PRDM13: variants seen among roughly 807,000 people sequenced by gnomAD.
The protein encoded by PRDM13 is PR domain zinc finger protein 13.
Under a neutral mutation model 36.4 loss-of-function variants are expected in PRDM13, and 15 were observed. The ratio of observed to expected loss-of-function variants is 0.41; its 90% confidence interval spans 0.28 to 0.64. PRDM13 has a LOEUF of 0.64. PRDM13 is among the 30% of genes least tolerant of loss of function. The probability of loss-of-function intolerance (pLI) is 0.29; values close to 1 mark genes in which losing one functional copy is unlikely to be tolerated. For missense variants in PRDM13, 1,044 were observed against 1,013.5 expected (o/e 1.03, Z -0.41); for synonymous variants, 531 against 467.7 (o/e 1.14, Z -1.75).
At position 99,613,249 on chromosome 6, in the gene PRDM13, C is replaced by A; in HGVS notation, c.614C>A (p.Ala205Glu). ...PAPDFAAPSQ[A>E]GTLRPHPLGP... Reference sequence around the variant, plus strand: ...CCCGATTTCGCCGCGCCTTCCCAGGCAGGAACTTTGCGACCCCACCCCCTG... The same window carrying A: ...CCCGATTTCGCCGCGCCTTCCCAGGAAGGAACTTTGCGACCCCACCCCCTG... Residue 205 changes from alanine to glutamate, a missense_variant, in exon 4 of 4, where the codon GCA (alanine) becomes GAA (glutamate). Physicochemically the swap from Ala to Glu is moderately radical, Grantham distance 107. This residue lies in a region of PRDM13 where 921 missense variants were observed against 865.2 expected (regional missense o/e 1.06). Coordinates refer to ENST00000369215, the MANE Select transcript of PRDM13 (RefSeq NM_021620.4). The surrounding 1 kb of genome is among the most constrained non-coding windows in gnomAD (Gnocchi z 6.1). 2 of 1,609,726 alleles carry A rather than the reference C, an allele frequency of 1.2e-6. No homozygotes were observed. The highest frequency in any genetic ancestry group is 1.7e-6 in the Non-Finnish European group (2 of 1,178,940).
In PRDM13 at chr6:99,613,166, T is replaced by C; in HGVS notation, c.531T>C (p.Ala177=). 1 of 1,612,856 alleles carries C rather than the reference T, an allele frequency of 6.2e-7. No individual in the cohort carries two copies. The highest frequency in any genetic ancestry group is 8.5e-7 in the Non-Finnish European group (1 of 1,179,868). ...CCTTCCTGCACCACGAACACGCGGC[T>C]CGCCAAGGCGCCGTCCCAGCGGCTG... is the stretch of plus-strand genomic sequence containing the variant. The part of the protein sequence containing the change: ...GGAFLHHEHA[A]RQGAVPAADG... Residue 177 remains alanine (A), a synonymous_variant, in exon 4 of 4, where the codon GCT becomes GCC. Transcript: ENST00000369215. The surrounding 1 kb of genome is among the most constrained non-coding windows in gnomAD (Gnocchi z 6.1).
intron 3 of PRDM13, among the ~76,000 whole-genome samples, chr6:99,611,051 A>T (rs1269940799): frequency 6.6e-6 from 1 of 152,164 alleles, no homozygotes; most frequent in African/African-American, 2.4e-5. Flanking sequence ...TCACTTGTTA[A>T]ATGTATTTGA....
At chr6:99,609,683 C>T (rs1301423343) in intron 3 of PRDM13, among the ~76,000 whole-genome samples, 3 of 152,036 alleles carry the variant, frequency 2.0e-5, no homozygotes, top group African/African-American at 4.8e-5. Flanking sequence ...GCTAGGAGTT[C>T]GAGACCAGCC....
intron 3 of PRDM13, among the ~76,000 whole-genome samples, chr6:99,612,628 A>C (rs913829523): frequency 7.9e-5 from 12 of 152,202 alleles, no homozygotes; most frequent in African/African-American, 2.9e-4. Flanking sequence ...ACTCCTTGAC[A>C]TACGCCACCT....
chr6:99,607,020 G>C lies in PRDM13; in HGVS notation c.-15G>C. ...CCTGGAGCACCCGAGCGCCTGCCTG[G>C]TGGCGGCGGCAACAATGCACGGAGC... On this transcript the variant is annotated 5_prime_UTR_variant, in exon 1 of 4. Coordinates refer to ENST00000369215, the MANE Select transcript of PRDM13 (RefSeq NM_021620.4). 6.2e-7 allele frequency: 1 copy of C among 1,602,730 alleles called. No homozygotes were observed. Among genetic ancestry groups the C allele is most frequent in the Non-Finnish European group, 8.5e-7 (1 of 1,173,862 alleles).
chr6:99,608,945 G>A lies in PRDM13; in HGVS notation c.276+73G>A, dbSNP rs994416705. The A allele has an allele frequency of 2.1e-5, 32 of 1,537,168 alleles. No homozygotes were observed. The Admixed American group carries it at 6.6e-4, about 32-fold the overall frequency. On this transcript the variant is annotated intron_variant, in intron 2 of 3. Transcript: ENST00000369215. The stretch of plus-strand genomic sequence containing the variant: ...AGTCTACCTAACCGTCCCTGCGGTG[G>A]CCAAAAATATTAAGAGCAAAGTACT...
chr6:99,614,992 T>G lies in PRDM13; in HGVS notation c.*233T>G. 1 of 597,352 alleles carries G rather than the reference T, an allele frequency of 1.7e-6. No individual in the cohort carries two copies. The highest frequency in any genetic ancestry group is 2.3e-5 in the South Asian group (1 of 42,610). The allele number at this position is 597,352 out of a possible 1,614,324, so 37.0% of individuals were successfully genotyped here. A position where few individuals can be genotyped will look rare whatever the true frequency, so the allele number is the denominator to read the frequency against. On this transcript the variant is annotated 3_prime_UTR_variant, in exon 4 of 4. Transcript: ENST00000369215. ...ACCTGGAGAGCTCGAGTGCCACCAG[T>G]ACCTCCGCACCCCGGGCCTCTGGAC...
Position 99,608,781 on chromosome 6 carries a change from G to T in PRDM13, c.185G>T (p.Gly62Val), listed in dbSNP as rs747064381. ...GGGGAGCTGGTGGACGAGTCGGGGG[G>T]CTCCCCTCTGGAGTGGATAGGGTTA... ...VRGELVDESG[G>V]SPLEWIGLIR... Residue 62 changes from glycine to valine, a missense_variant, in exon 2 of 4, where the codon GGC becomes GTC. Physicochemically the swap from Gly to Val is moderately radical, Grantham distance 109. Around this residue, in one of 3 missense-constraint regions of PRDM13, gnomAD observed 921 missense variants for 865.2 expected, o/e 1.06. Coordinates refer to ENST00000369215, the MANE Select transcript of PRDM13 (RefSeq NM_021620.4). 15 of 1,612,388 alleles carry T rather than the reference G, an allele frequency of 9.3e-6. No homozygotes were observed. In the African/African-American group the frequency reaches 1.7e-4, roughly 19 times the overall value.
At chr6:99,612,477 T>C (rs1192871355) in intron 3 of PRDM13, among the ~76,000 whole-genome samples, 2 of 151,850 alleles carry the variant, frequency 1.3e-5, no homozygotes, top group Admixed American at 6.6e-5. Flanking sequence ...TGGAAGGGGG[T>C]GGAATGGGTG....
At position 99,613,014 on chromosome 6, in the gene PRDM13, T is replaced by G; in HGVS notation, c.398-19T>G. 1 of 1,612,968 alleles carries G rather than the reference T, an allele frequency of 6.2e-7. No homozygotes were observed. Among genetic ancestry groups the G allele is most frequent in the African/African-American group, 1.3e-5 (1 of 75,058 alleles). ...TGTTCGCCTCTCACCGGGTCGCTTT[T>G]CCATTCTTTCTTGCCCAGGGGAGGA... On this transcript the variant is annotated intron_variant, in intron 3 of 3. Coordinates refer to ENST00000369215, the MANE Select transcript of PRDM13 (RefSeq NM_021620.4). This position sits in a 1 kb window ranked among gnomAD's most constrained non-coding sequence, Gnocchi z 6.1.
At chr6:99,607,264 G>C (rs909760229) in intron 1 of PRDM13, 86 bp downstream of exon 1, 1 of 1,552,698 alleles carries the variant, frequency 6.4e-7, no homozygotes. Flanking sequence ...AGTGGAGGAA[G>C]GGAGTGATTG....
At position 99,614,292 on chromosome 6, in the gene PRDM13, G is replaced by T; in HGVS notation, c.1657G>T (p.Ala553Ser). Residue 553 changes from alanine to serine, a missense_variant, in exon 4 of 4, where the codon GCG becomes TCG. Ala to Ser is a moderately conservative substitution (Grantham distance 99, BLOSUM62 1). This residue lies in a region of PRDM13 where 921 missense variants were observed against 865.2 expected (regional missense o/e 1.06). Transcript: ENST00000369215. ...SGTLPPAVAA[A>S]GGTGGGGSGG... ...GACGTTGCCACCGGCCGTCGCGGCG[G>T]CGGGAGGCACCGGGGGCGGCGGCAG... is the stretch of plus-strand genomic sequence containing the variant. 2 of 1,605,706 alleles carry T rather than the reference G, an allele frequency of 1.2e-6. No individual in the cohort carries two copies. The highest frequency in any genetic ancestry group is 1.7e-6 in the Non-Finnish European group (2 of 1,176,440).
chr6:99,613,466 C>G lies in PRDM13; in HGVS notation c.831C>G (p.Gly277=), dbSNP rs1317334226. 3.3e-6 allele frequency: 5 copies of G among 1,533,202 alleles called. No individual in the cohort carries two copies. The East Asian group carries it at 9.9e-5, about 30-fold the overall frequency. 95.0% of individuals were successfully genotyped at this position (1,533,202 alleles called of 1,614,324 possible). A position where few individuals can be genotyped will look rare whatever the true frequency, so the allele number is the denominator to read the frequency against. Residue 277 remains glycine (G), a synonymous_variant, in exon 4 of 4, where the codon GGC becomes GGG. Coordinates refer to ENST00000369215, the MANE Select transcript of PRDM13 (RefSeq NM_021620.4). This position sits in a 1 kb window ranked among gnomAD's most constrained non-coding sequence, Gnocchi z 6.1. ...GQGHFLGIVG[G]SSAGVGSLAF... ...GGCACTTCCTCGGCATCGTGGGCGG[C>G]TCCTCGGCGGGGGTCGGCAGCCTGG...
intron 3 of PRDM13, among the ~76,000 whole-genome samples, chr6:99,612,754 C>T (rs371033020): frequency 6.6e-6 from 1 of 152,168 alleles, no homozygotes; most frequent in Admixed American, 6.5e-5. Context: ...GCCCTTCCAA[C>T]GAAGATTTTG....
chr6:99,612,399 AT>A (rs1349101210), intron 3 of PRDM13, among the ~76,000 whole-genome samples: 1 of 152,226 alleles, frequency 6.6e-6, no homozygotes, highest in Non-Finnish European at 1.5e-5. Context: ...AGAATGGCAA[AT>A]CATAGTCCCT....
At chr6:99,609,054 A>G (rs1769994693) in intron 2 of PRDM13, 133 bp from the exon 3 acceptor site, 5 of 1,383,498 alleles carry the variant, frequency 3.6e-6, no homozygotes, top group Non-Finnish European at 4.9e-6. Flanking sequence ...GACGGAAGTG[A>G]GGTTCAGAGA....
intron 2 of PRDM13, 138 bp from the exon 3 acceptor site, chr6:99,609,049 A>C: frequency 1.4e-6 from 2 of 1,386,192 alleles, no homozygotes; most frequent in Non-Finnish European, 9.7e-7. Flanking sequence ...AGGATGACGG[A>C]AGTGAGGTTC....
chr6:99,608,320 A>AT (rs1034645847), intron 1 of PRDM13, among the ~76,000 whole-genome samples: 5 of 152,076 alleles, frequency 3.3e-5, no homozygotes, highest in African/African-American at 1.2e-4. Flanking sequence ...GCATGAGATA[A>AT]TTTTTTTGTT....
intron 1 of PRDM13, 33 bp from the exon 2 acceptor site, chr6:99,608,708 T>A (rs964590312): frequency 6.5e-5 from 103 of 1,583,346 alleles, no homozygotes; most frequent in Non-Finnish European, 8.8e-5. Flanking sequence ...CTGGCCAAGG[T>A]GCGGGGGAGA....
Sources: gnomAD v4.1 joint callset for allele counts (sites outside exome capture counted in the v4.1 genomes callset) on GRCh38, gnomAD v4.1.1 for gene constraint, gnomAD v4.1.1 regional missense constraint, Gnocchi (gnomAD v3.1) non-coding constraint, MANE v1.5 for transcripts, NCBI Gene and HGNC (gene_info 2026-07-23, HGNC 2026-07-21) for gene names.